Variants in GUCY2D observed in about 807,000 individuals in gnomAD.
GUCY2D encodes the protein retinal guanylyl cyclase 1.
Under a neutral mutation model 101.3 loss-of-function variants are expected in GUCY2D, and 70 were observed. That is an observed-to-expected ratio of 0.69 (90% CI 0.57 to 0.84). The LOEUF is 0.84. Among genes scored for constraint, GUCY2D ranks in the 40% least tolerant of loss-of-function variants. The pLI is 0.00. For missense variants in GUCY2D, 1,460 were observed against 1,542.5 expected (o/e 0.95, Z 0.90); for synonymous variants, 688 against 670.7 (o/e 1.03, Z -0.40).
In GUCY2D at chr17:8,003,568, C is replaced by A; in HGVS notation, c.521C>A (p.Ala174Asp). The A allele has an allele frequency of 1.3e-6, 2 of 1,580,462 alleles. No individual in the cohort carries two copies. The highest frequency in any genetic ancestry group is 1.7e-6 in the Non-Finnish European group (2 of 1,170,956). ...AVTPAADALYALLRAFGWARV... is the reference protein window; with the variant it reads ...AVTPAADALYDLLRAFGWARV... ...ACCCCCGCCGCGGATGCCCTCTACG[C>A]CCTGCTTCGCGCATTCGGCTGGGCG... Residue 174 changes from alanine (A) to aspartate (D), a missense_variant, in exon 2 of 20, where the codon GCC becomes GAC. By Grantham distance (126) the Ala-to-Asp change is moderately radical. Coordinates refer to ENST00000254854, the MANE Select transcript of GUCY2D (RefSeq NM_000180.4).
intron 8 of GUCY2D, among the ~76,000 whole-genome samples, chr17:8,010,680 C>T (rs1009289952): frequency 3.3e-5 from 5 of 151,636 alleles, no homozygotes; most frequent in African/African-American, 4.8e-5. Context: ...TGGTGGCGGG[C>T]GCCTGTAGTC....
In GUCY2D at chr17:8,016,499, TG is replaced by T; in HGVS notation, c.3283del (p.Glu1095ArgfsTer12). 1 of 1,580,612 alleles carries T rather than the reference TG, an allele frequency of 6.3e-7. No individual in the cohort carries two copies. Among genetic ancestry groups the T allele is most frequent in the South Asian group, 1.2e-5 (1 of 86,774 alleles). ...QEIPPERRRK[L>X]EKARPGQFS ...ATCCCACCCGAGCGGCGACGGAAGC[TG>T]GAGAAGGCGCGGCCGGGCCAGTTCT... is the stretch of plus-strand genomic sequence containing the variant. On this transcript the variant is annotated frameshift_variant, in exon 19 of 20. Coordinates refer to ENST00000254854, the MANE Select transcript of GUCY2D (RefSeq NM_000180.4). LOFTEE classifies it high-confidence loss of function.
chr17:8,015,473 C>A lies in GUCY2D; in HGVS notation c.2915C>A (p.Pro972His). 1 of 1,613,032 alleles carries A rather than the reference C, an allele frequency of 6.2e-7. No homozygotes were observed. The highest frequency in any genetic ancestry group is 8.5e-7 in the Non-Finnish European group (1 of 1,179,888). ...TFRMRHMPEVPVRIRIGLHSG... is the reference protein window; with the variant it reads ...TFRMRHMPEVHVRIRIGLHSG... ...CGCATGCGCCATATGCCTGAGGTTC[C>A]CGTGCGCATCCGCATAGGCCTGCAC... The change falls in exon 15 of 20, where the codon CCC becomes CAC. Residue 972 changes from proline (P) to histidine (H), a missense_variant. Coordinates refer to ENST00000254854, the MANE Select transcript of GUCY2D (RefSeq NM_000180.4).
intron 7 of GUCY2D, among the ~76,000 whole-genome samples, chr17:8,009,176 C>G (rs1182000866): frequency 6.6e-6 from 1 of 152,206 alleles, no homozygotes; most frequent in Non-Finnish European, 1.5e-5. Context: ...AACATGTTCT[C>G]TCATGGCAGT....
chr17:8,016,426 C>T lies in GUCY2D; in HGVS notation c.3225-17C>T. The T allele has an allele frequency of 4.5e-6, 7 of 1,543,260 alleles. No homozygotes were observed. Among genetic ancestry groups the T allele is most frequent in the Non-Finnish European group, 6.1e-6 (7 of 1,140,618 alleles). On this transcript the variant is annotated splice_polypyrimidine_tract_variant and intron_variant, in intron 18 of 19. Transcript: ENST00000254854. ...GCCCCATTCCCCTTCCCTGAGGCCA[C>T]CGCCCCCTCCTTGCAGGTCCAGCAA... is the stretch of plus-strand genomic sequence containing the variant.
Position 8,012,388 on chromosome 17 carries a change from C to A in GUCY2D, c.1956+38C>A, listed in dbSNP as rs749435918. ...GGGTGGTGGGGTGACGTCCTGGGGG[C>A]AGGGATGGGGAGCAAGGGAACCAAG... On this transcript the variant is annotated intron_variant, in intron 9 of 19. Transcript: ENST00000254854. 7.8e-5 allele frequency: 126 copies of A among 1,607,366 alleles called. No individual in the cohort carries two copies. The East Asian group carries it at 2.6e-3, about 34-fold the overall frequency.
In GUCY2D at chr17:8,012,545, C is replaced by A. The variant is rs935195316; in HGVS notation, c.2052C>A (p.Asp684Glu). The change falls in exon 10 of 20, where the codon GAC becomes GAA. Residue 684 changes from aspartate to glutamate, a missense_variant. Physicochemically the swap from Asp to Glu is conservative, Grantham distance 45. This residue lies in a region of GUCY2D where 1,196 missense variants were observed against 1,229.6 expected (regional missense o/e 0.97). Coordinates refer to ENST00000254854, the MANE Select transcript of GUCY2D (RefSeq NM_000180.4). ...VDGRFVLKIT[D>E]HGHGRLLEAQ... is the part of the protein sequence containing the mutation. ...GCAGATTCGTACTCAAGATCACTGA[C>A]CACGGCCACGGGAGACTGCTGGAAG... The A allele has an allele frequency of 6.2e-7, 1 of 1,613,940 alleles. No homozygotes were observed. The highest frequency in any genetic ancestry group is 8.5e-7 in the Non-Finnish European group (1 of 1,179,868).
At chr17:8,016,053 C>T (rs1406238627) in intron 17 of GUCY2D, 32 bp downstream of exon 17, 11 of 1,549,234 alleles carry the variant, frequency 7.1e-6, no homozygotes, top group Admixed American at 1.8e-5. Flanking sequence ...TCCCGGAGGC[C>T]CCGCCCTGTC....
At chr17:8,009,485 C>A (rs968943154) in intron 7 of GUCY2D, 21 bp from the exon 8 acceptor site, 4 of 1,540,270 alleles carry the variant, frequency 2.6e-6, no homozygotes, top group South Asian at 1.1e-5. Context: ...GAGTTCCCTA[C>A]CCCCATCCTC....
Position 8,012,329 on chromosome 17 carries a change from C to T in GUCY2D, c.1935C>T (p.Ser645=), listed in dbSNP as rs1417691404. ...EIKLDWMFKS[S]LLLDLIKGIR... ...AGCTGGACTGGATGTTCAAGTCCTCCCTCCTGCTGGACCTTATCAAGGTGT... is the reference window on the plus strand; with the variant it reads ...AGCTGGACTGGATGTTCAAGTCCTCTCTCCTGCTGGACCTTATCAAGGTGT... The change falls in exon 9 of 20, where the codon TCC becomes TCT. Residue 645 remains serine, a synonymous_variant. Coordinates refer to ENST00000254854, the MANE Select transcript of GUCY2D (RefSeq NM_000180.4). 3.7e-6 allele frequency: 6 copies of T among 1,613,728 alleles called. No homozygotes were observed. Among genetic ancestry groups the T allele is most frequent in the Non-Finnish European group, 4.2e-6 (5 of 1,179,920 alleles).
In GUCY2D at chr17:8,016,804, A is replaced by G. The variant is rs74656480; in HGVS notation, c.*24+250A>G. The G allele has an allele frequency of 7.7e-3, 3,881 of 504,748 alleles. 137 individuals carry two copies. The highest frequency in any genetic ancestry group is 0.068 in the African/African-American group (3,504 of 51,796). The allele number at this position is 504,748 out of a possible 1,614,324, so 31.3% of individuals were successfully genotyped here. Reference sequence around the variant, plus strand: ...CTTCTGTGGCCCCTCCCCTGGCCCTATCTCATCCCCAGTGCATAAACCTGG... The same window carrying G: ...CTTCTGTGGCCCCTCCCCTGGCCCTGTCTCATCCCCAGTGCATAAACCTGG... On this transcript the variant is annotated intron_variant, in intron 19 of 19. Coordinates refer to ENST00000254854, the MANE Select transcript of GUCY2D (RefSeq NM_000180.4).
At position 8,014,701 on chromosome 17, in the gene GUCY2D, G is replaced by A. The variant is rs61750173; in HGVS notation, c.2513G>A (p.Arg838His). The A allele has an allele frequency of 1.9e-6, 3 of 1,607,636 alleles. No individual in the cohort carries two copies. The highest frequency in any genetic ancestry group is 1.1e-5 in the South Asian group (1 of 90,958). Residue 838 changes from arginine to histidine, a missense_variant, in exon 13 of 20, where the codon CGC becomes CAC. Coordinates refer to ENST00000254854, the MANE Select transcript of GUCY2D (RefSeq NM_000180.4). This position sits in a 1 kb window ranked among gnomAD's most constrained non-coding sequence, Gnocchi z 4.0. ...AACCTGGAGGATCTGATCCGGGAGC[G>A]CACGGAGGAGCTGGAGCTGGAAAAG... ...SSNLEDLIRE[R>H]TEELELEKQK...
Position 8,003,374 on chromosome 17 carries a change from C to G in GUCY2D, c.327C>G (p.Gly109=), listed in dbSNP as rs2151799371. 1 of 1,465,878 alleles carries G rather than the reference C, an allele frequency of 6.8e-7. No individual in the cohort carries two copies. Among genetic ancestry groups the G allele is most frequent in the Non-Finnish European group, 9.0e-7 (1 of 1,115,652 alleles). The allele number at this position is 1,465,878 out of a possible 1,614,324, so 90.8% of individuals were successfully genotyped here. The change falls in exon 2 of 20, where the codon GGC becomes GGG. Residue 109 remains glycine, a synonymous_variant. Coordinates refer to ENST00000254854, the MANE Select transcript of GUCY2D (RefSeq NM_000180.4). ...ALLPEPCRTP[G]SLGAVSSALA... is the part of the protein sequence containing the mutation. ...TGCCCGAGCCTTGCCGGACGCCGGGCTCGCTGGGGGCCGTGTCCTCCGCGC... is the reference window on the plus strand; with the variant it reads ...TGCCCGAGCCTTGCCGGACGCCGGGGTCGCTGGGGGCCGTGTCCTCCGCGC...
In GUCY2D at chr17:8,003,540, G is replaced by GT; in HGVS notation, c.494dup (p.Thr166AspfsTer153). On this transcript the variant is annotated frameshift_variant, in exon 2 of 20. Transcript: ENST00000254854. LOFTEE classifies it high-confidence loss of function. The stretch of plus-strand genomic sequence containing the variant: ...GGCGGAGGGCACCACGGCCCCTGCC[G>GT]TGACCCCCGCCGCGGATGCCCTCTA... 6.4e-7 allele frequency: 1 copy of GT among 1,551,238 alleles called. No homozygotes were observed. Among genetic ancestry groups the GT allele is most frequent in the Non-Finnish European group, 8.7e-7 (1 of 1,156,052 alleles).
chr17:8,012,612 A>T lies in GUCY2D; in HGVS notation c.2113+6A>T. ...GGAGCCTCCCAGAGCGGAGGGTAAG[A>T]GTCCCCTGTGCAGACGAGGATCCAC... On this transcript the variant is annotated splice_donor_region_variant and intron_variant, in intron 10 of 19. Transcript: ENST00000254854. 3 of 1,610,550 alleles carry T rather than the reference A, an allele frequency of 1.9e-6. No homozygotes were observed. The highest frequency in any genetic ancestry group is 2.5e-6 in the Non-Finnish European group (3 of 1,177,552).
rs1975922706 is a variant in GUCY2D, at chr17:8,014,561, C to T, written c.2413-40C>T. 6.2e-7 allele frequency: 1 copy of T among 1,608,874 alleles called. No individual in the cohort carries two copies. Among genetic ancestry groups the T allele is most frequent in the Admixed American group, 1.7e-5 (1 of 60,020 alleles). On this transcript the variant is annotated intron_variant, in intron 12 of 19. Transcript: ENST00000254854. This position sits in a 1 kb window ranked among gnomAD's most constrained non-coding sequence, Gnocchi z 4.0. ...GGGGCATAAAGAGGGCATGGCAACC[C>T]AGGTCTTCAGCAGCTTTACCAGCTT...
intron 14 of GUCY2D, 81 bp from the exon 15 acceptor site, chr17:8,015,247 G>C (rs1483324281): frequency 2.9e-6 from 4 of 1,355,986 alleles, no homozygotes; most frequent in Non-Finnish European, 4.2e-6. Context: ...CCCCAGGTGG[G>C]CCCGGTGACA....
At chr17:8,012,398 G>A (rs554409602) in intron 9 of GUCY2D, 48 bp downstream of exon 9, 9 of 1,611,650 alleles carry the variant, frequency 5.6e-6, no homozygotes, top group South Asian at 3.3e-5. Context: ...CAGGGATGGG[G>A]AGCAAGGGAA....
rs553908583 is a variant in GUCY2D at position 8,013,674 on chromosome 17, C to T, written c.2264-206C>T. The T allele has an allele frequency of 6.6e-6, 4 of 606,340 alleles. No homozygotes were observed. Among genetic ancestry groups the T allele is most frequent in the African/African-American group, 3.7e-5 (2 of 54,094 alleles). 37.6% of individuals were successfully genotyped at this position (606,340 alleles called of 1,614,324 possible). ...TTGCCTATGTCACCTCTTACTGACC[C>T]CCAGAGTTCGAGGTCCTCTTGTTCC... On this transcript the variant is annotated intron_variant, in intron 11 of 19. Transcript: ENST00000254854. The surrounding 1 kb of genome is among the most constrained non-coding windows in gnomAD (Gnocchi z 5.0).
Sources: allele counts gnomAD v4.1 joint callset (sites outside exome capture counted in the v4.1 genomes callset), GRCh38; gene constraint gnomAD v4.1.1; regional missense constraint gnomAD v4.1.1; non-coding constraint Gnocchi (gnomAD v3.1); transcripts MANE v1.5; gene names NCBI Gene and HGNC (gene_info 2026-07-23, HGNC 2026-07-21).